LTA4H: variants seen among roughly 807,000 people sequenced by gnomAD.
LTA4H encodes leukotriene A-4 hydrolase.
LTA4H carries 59 observed loss-of-function variants against 89.8 expected under a neutral mutation model. The ratio of observed to expected loss-of-function variants is 0.66; its 90% CI spans 0.53 to 0.82. The LOEUF (loss-of-function observed/expected upper bound fraction) is 0.82, where lower values mean the gene tolerates loss of function less well. LTA4H is among the 40% of genes least tolerant of loss of function. LTA4H has a pLI of 0.00. For synonymous variants in LTA4H, 227 were observed against 253.1 expected, an observed-to-expected ratio of 0.90 and a Z score of 0.98; for missense variants, 617 against 727.0, an observed-to-expected ratio of 0.85 and a Z score of 1.74.
rs776010569 is a variant in LTA4H at position 96,018,771 on chromosome 12, T to C, written c.844A>G (p.Thr282Ala). ...ENPCLTFVTP[T>A]LLAGDKSLSN... The stretch of plus-strand genomic sequence containing the variant: ...GAAACATTTACACTTACCAGTAGAG[T>C]AGGAGTTACAAAAGTAAGGCAAGGA... Residue 282 changes from threonine (T) to alanine (A), a missense_variant, in exon 8 of 19, where the codon ACT becomes GCT. Thr to Ala is a moderately conservative substitution (Grantham distance 58). Coordinates refer to ENST00000228740, the MANE Select transcript of LTA4H (RefSeq NM_000895.3). 4.4e-6 allele frequency: 7 copies of C among 1,574,488 alleles called. No individual in the cohort carries two copies. The highest frequency in any genetic ancestry group is 2.4e-5 in the South Asian group (2 of 83,804).
At chr12:96,007,005 C>T (rs1378698145) in intron 15 of LTA4H, among the ~76,000 whole-genome samples, 1 of 152,032 alleles carries the variant, frequency 6.6e-6, no homozygotes, top group Non-Finnish European at 1.5e-5. Context: ...TTTAGAACTA[C>T]TTTTATAATC....
intron 1 of LTA4H, among the ~76,000 whole-genome samples, chr12:96,034,664 T>C (rs1355391345): frequency 1.3e-5 from 2 of 152,212 alleles, no homozygotes; most frequent in Admixed American, 6.5e-5. Context: ...CAGGGACTGT[T>C]AGTTTCAAAG....
chr12:96,015,823 C>G, intron 10 of LTA4H, 129 bp from the exon 11 acceptor site: 1 of 629,494 alleles, frequency 1.6e-6, no homozygotes, highest in Non-Finnish European at 2.8e-6. Context: ...ACAGTCTAAG[C>G]CGACTCTGGC....
chr12:96,003,214 A>C, intron 17 of LTA4H, 150 bp from the exon 18 acceptor site: 1 of 537,088 alleles, frequency 1.9e-6, no homozygotes, highest in Admixed American at 3.5e-5. Context: ...TGATTCTGAG[A>C]CTCTCAAATC....
chr12:96,014,857 G>T lies in LTA4H; in HGVS notation c.1202C>A (p.Pro401Gln), dbSNP rs372000339. ...ATCATAAAATACCAACTACTTACCT[G>T]GTCCTCCAAGCAGTTGTTCAAGGTA... ...LFYLEQLLGG[P>Q]EIFLGFLKAY... The change falls in exon 12 of 19, where the codon CCA becomes CAA. Residue 401 changes from proline to glutamine, a missense_variant and splice_region_variant. Coordinates refer to ENST00000228740, the MANE Select transcript of LTA4H (RefSeq NM_000895.3). 1 of 1,603,426 alleles carries T rather than the reference G, an allele frequency of 6.2e-7. No homozygotes were observed. Among genetic ancestry groups the T allele is most frequent in the African/African-American group, 1.3e-5 (1 of 74,254 alleles).
chr12:96,021,144 A>G lies in LTA4H; in HGVS notation c.586-7T>C. On this transcript the variant is annotated splice_region_variant and splice_polypyrimidine_tract_variant and intron_variant, in intron 5 of 18. Coordinates refer to ENST00000228740, the MANE Select transcript of LTA4H (RefSeq NM_000895.3). ...GGTAGCAGGGTATTGGAACCTAAAG[A>G]GGGCAAACAAACGCACACCACGTGC... The G allele has an allele frequency of 1.3e-6, 2 of 1,588,010 alleles. No homozygotes were observed. The highest frequency in any genetic ancestry group is 1.7e-6 in the Non-Finnish European group (2 of 1,172,256).
chr12:96,027,434 T>C lies in LTA4H; in HGVS notation c.411+10A>G, dbSNP rs1950524589. The C allele has an allele frequency of 1.3e-6, 2 of 1,565,072 alleles. No individual in the cohort carries two copies. The highest frequency in any genetic ancestry group is 2.8e-5 in the African/African-American group (2 of 72,118). Reference sequence around the variant, plus strand: ...TTCTGCATCAGAAATCATTCTGGAATCCTTTTTACCTGGCACTGACTAAAG... The same window carrying C: ...TTCTGCATCAGAAATCATTCTGGAACCCTTTTTACCTGGCACTGACTAAAG... On this transcript the variant is annotated intron_variant, in intron 3 of 18. Transcript: ENST00000228740.
intron 4 of LTA4H, among the ~76,000 whole-genome samples, chr12:96,023,825 T>C (rs1950481409): frequency 6.6e-6 from 1 of 152,234 alleles, no homozygotes; most frequent in Non-Finnish European, 1.5e-5. Flanking sequence ...GAAACTTAAA[T>C]CATGCAAATG....
At chr12:96,006,522 T>G (rs1950206399) in intron 15 of LTA4H, 113 bp from the exon 16 acceptor site, 2 of 553,692 alleles carry the variant, frequency 3.6e-6, no homozygotes, top group East Asian at 5.9e-5. Context: ...ATGAACAAGA[T>G]TATTCAAAAT....
intron 14 of LTA4H, chr12:96,009,507 GAAC>G (rs1950261974): frequency 4.9e-6 from 1 of 203,276 alleles, no homozygotes; most frequent in Admixed American, 5.9e-5. Context: ...ACAACAAGAT[GAAC>G]AACATCAAGT....
chr12:96,026,942 C>T (rs1423283779), intron 3 of LTA4H, among the ~76,000 whole-genome samples: 1 of 151,992 alleles, frequency 6.6e-6, no homozygotes, highest in Non-Finnish European at 1.5e-5. Context: ...TTTAAAGGTA[C>T]AGTTAATATA....
chr12:96,039,702 A>G (rs1381893116), upstream of LTA4H, among the ~76,000 whole-genome samples: 1 of 152,272 alleles, frequency 6.6e-6, no homozygotes, highest in Non-Finnish European at 1.5e-5. Flanking sequence ...TGGCAACATT[A>G]GCAAAGATAT....
Position 96,024,489 on chromosome 12 carries a change from TAGG to T in LTA4H, c.467_469del (p.Thr156_Tyr157delinsAsn). ...ATTCGTAATATTTACCTCTGCAGTA[TAGG>T]TTAATTTCACAGAAGGAGTGTCCTG... is the stretch of plus-strand genomic sequence containing the variant. On this transcript the variant is annotated inframe_deletion, in exon 4 of 19. Transcript: ENST00000228740. The T allele has an allele frequency of 1.2e-6, 2 of 1,601,588 alleles. No individual in the cohort carries two copies. Among genetic ancestry groups the T allele is most frequent in the Non-Finnish European group, 1.7e-6 (2 of 1,168,966 alleles).
intron 1 of LTA4H, among the ~76,000 whole-genome samples, chr12:96,033,686 C>T (rs1655976824): frequency 6.6e-6 from 1 of 152,170 alleles, no homozygotes; most frequent in Admixed American, 6.5e-5. Context: ...TTAGGTATTT[C>T]TCCTAATGCT....
intron 8 of LTA4H, among the ~76,000 whole-genome samples, chr12:96,018,026 C>G (rs1488544794): frequency 6.6e-6 from 1 of 152,164 alleles, no homozygotes; most frequent in African/African-American, 2.4e-5. Context: ...AAGTAGCTCA[C>G]AGGCATATTA....
chr12:96,028,237 G>A (rs1293735709), intron 2 of LTA4H, among the ~76,000 whole-genome samples: 1 of 152,148 alleles, frequency 6.6e-6, no homozygotes, highest in Non-Finnish European at 1.5e-5. Flanking sequence ...AGCCCTGCTG[G>A]TGTTCGAATC....
At chr12:96,015,558 G>GC (rs1950362294) in intron 11 of LTA4H, 25 bp downstream of exon 11, 1 of 1,535,072 alleles carries the variant, frequency 6.5e-7, no homozygotes, top group Non-Finnish European at 9.0e-7. Context: ...TTGGATGAAG[G>GC]TTTTTAAAAC....
intron 14 of LTA4H, 175 bp from the exon 15 acceptor site, chr12:96,009,323 A>G: frequency 1.8e-6 from 1 of 571,310 alleles, no homozygotes; most frequent in Non-Finnish European, 3.1e-6. Context: ...GCATCATCCA[A>G]GAACTCACAA....
intron 4 of LTA4H, among the ~76,000 whole-genome samples, chr12:96,024,159 C>G (rs1950486359): frequency 1.3e-5 from 2 of 152,080 alleles, no homozygotes; most frequent in Admixed American, 1.3e-4. Flanking sequence ...GTCTCGATCT[C>G]CTGACCTCGT....
Sources: allele counts gnomAD v4.1 joint callset (sites outside exome capture counted in the v4.1 genomes callset), GRCh38; gene constraint gnomAD v4.1.1; transcripts MANE v1.5; gene names NCBI Gene and HGNC (gene_info 2026-07-23, HGNC 2026-07-21).